PKP4: variants seen among roughly 807,000 people sequenced by gnomAD.
PKP4 encodes plakophilin-4.
Under a neutral mutation model 145.1 loss-of-function variants are expected in PKP4, and 90 were observed. That is an observed-to-expected ratio of 0.62 (90% CI 0.52 to 0.74). The LOEUF is 0.74. Ranked by LOEUF, PKP4 falls within the 30% of genes least tolerant of loss-of-function variation. The pLI is 0.00. For synonymous variants in PKP4, 563 were observed against 577.2 expected, an observed-to-expected ratio of 0.98 and a Z score of 0.35; for missense variants, 1,340 against 1,482.7, an observed-to-expected ratio of 0.90 and a Z score of 1.58.
chr2:158,603,829 A>G lies in PKP4; in HGVS notation c.280+725A>G, dbSNP rs940175783. Among the ~76,000 whole-genome samples, 8 of 152,336 alleles carry G rather than the reference A, an allele frequency of 5.3e-5. No homozygotes were observed. The East Asian group carries it at 1.5e-3, about 29-fold the overall frequency. ...ACAATGTTGTAATGCTGGAATAGGC[A>G]TTGATGTGTAAATACTTTGGCCCTT... On this transcript the variant is annotated intron_variant, in intron 4 of 21. Transcript: ENST00000389759.
intron 2 of PKP4, among the ~76,000 whole-genome samples, chr2:158,558,773 T>A (rs1302870561): frequency 7.9e-5 from 12 of 152,006 alleles, no homozygotes; most frequent in African/African-American, 2.4e-5. Context: ...TGGAAATACA[T>A]AAAGAGGAGA....
At chr2:158,512,848 T>C (rs1006612704) in intron 1 of PKP4, among the ~76,000 whole-genome samples, 1 of 152,158 alleles carries the variant, frequency 6.6e-6, no homozygotes, top group Non-Finnish European at 1.5e-5. Context: ...AGAACACAAA[T>C]TTATTAATTC....
At chr2:158,608,837 G>A (rs950489113) in intron 4 of PKP4, among the ~76,000 whole-genome samples, 8 of 97,688 alleles carry the variant, frequency 8.2e-5, no homozygotes, top group East Asian at 3.2e-4. Flanking sequence ...TTTTTGAGAC[G>A]GAGTCTTGCT....
chr2:158,619,315 A>G (rs1413491916), intron 4 of PKP4, among the ~76,000 whole-genome samples: 1 of 152,196 alleles, frequency 6.6e-6, no homozygotes. Context: ...ACCATATACA[A>G]TCTTTAATCT....
intron 16 of PKP4, 96 bp downstream of exon 16, chr2:158,666,659 C>A (rs2057114667): frequency 2.0e-6 from 2 of 1,022,638 alleles, no homozygotes; most frequent in South Asian, 2.2e-5. Flanking sequence ...CTTGTAAAAT[C>A]ATTAACAGCT....
intron 2 of PKP4, among the ~76,000 whole-genome samples, chr2:158,536,540 T>G (rs1010684682): frequency 1.3e-5 from 2 of 152,168 alleles, no homozygotes; most frequent in Non-Finnish European, 2.9e-5. Flanking sequence ...CCAATAGCAG[T>G]CTTGTTAACA....
At chr2:158,537,965 C>G (rs1050487410) in intron 2 of PKP4, among the ~76,000 whole-genome samples, 4 of 152,042 alleles carry the variant, frequency 2.6e-5, no homozygotes, top group Non-Finnish European at 4.4e-5. Context: ...TGCAGTAAGC[C>G]GTGATCATGC....
At chr2:158,620,919 A>G in intron 4 of PKP4, 71 bp from the exon 5 acceptor site, 1 of 1,369,238 alleles carries the variant, frequency 7.3e-7, no homozygotes, top group South Asian at 1.2e-5. Flanking sequence ...GTTGACAAAC[A>G]TCTGAACCTT....
At chr2:158,478,901 A>G (rs1050057906) in intron 1 of PKP4, among the ~76,000 whole-genome samples, 12 of 152,154 alleles carry the variant, frequency 7.9e-5, no homozygotes, top group Admixed American at 7.2e-4. Context: ...TTTTTACTAC[A>G]TATCTGTATC....
rs115853172 is a variant in PKP4 at position 158,575,751 on chromosome 2, A to G, written c.133-1520A>G. 8.2e-3 allele frequency among the ~76,000 whole-genome samples: 1,249 copies of G among 152,268 alleles called. 21 individuals are homozygous for G. Among genetic ancestry groups the G allele is most frequent in the African/African-American group, 0.029 (1,191 of 41,572 alleles). ...AGTCTTGTGGGAAAAGATGCATATA[A>G]TGACAAGTGAGTAAATGAAGTGAAC... is the stretch of plus-strand genomic sequence containing the variant. On this transcript the variant is annotated intron_variant, in intron 2 of 21. Transcript: ENST00000389759.
intron 1 of PKP4, among the ~76,000 whole-genome samples, chr2:158,519,494 T>G (rs1209060455): frequency 6.6e-6 from 1 of 152,062 alleles, no homozygotes; most frequent in African/African-American, 2.4e-5. Flanking sequence ...GCACTCTCTC[T>G]CCCCTTGATT....
chr2:158,480,987 T>C (rs981451975), intron 1 of PKP4, among the ~76,000 whole-genome samples: 7 of 152,266 alleles, frequency 4.6e-5, no homozygotes, highest in Non-Finnish European at 1.0e-4. Flanking sequence ...TGTCCTTTTG[T>C]GTCTCACTTT....
At chr2:158,585,085 G>A (rs2048691625) in intron 3 of PKP4, among the ~76,000 whole-genome samples, 1 of 152,144 alleles carries the variant, frequency 6.6e-6, no homozygotes. Flanking sequence ...TGGAAGTAAA[G>A]CACAGTTTAG....
chr2:158,535,023 G>A (rs191029411), intron 2 of PKP4, among the ~76,000 whole-genome samples: 430 of 152,152 alleles, frequency 2.8e-3, no homozygotes, highest in African/African-American at 9.9e-3. Flanking sequence ...TATATTTGCC[G>A]TTTCATACAT....
At chr2:158,504,280 A>G (rs764987950) in intron 1 of PKP4, among the ~76,000 whole-genome samples, 2 of 152,248 alleles carry the variant, frequency 1.3e-5, no homozygotes, top group African/African-American at 4.8e-5. Flanking sequence ...ACAAGTTCCT[A>G]TGAAGTACAC....
chr2:158,650,684 C>G (rs2055276856), intron 11 of PKP4, among the ~76,000 whole-genome samples: 1 of 152,216 alleles, frequency 6.6e-6, no homozygotes, highest in Non-Finnish European at 1.5e-5. Flanking sequence ...GCCCTCAGAC[C>G]ACCTGAGCAC....
intron 1 of PKP4, among the ~76,000 whole-genome samples, chr2:158,523,770 T>A (rs1273234934): frequency 8.8e-6 from 1 of 113,792 alleles, no homozygotes; most frequent in Admixed American, 9.8e-5. Context: ...GAATAACCAA[T>A]ACAGAGAAGT....
At chr2:158,584,131 G>A (rs1379568645) in intron 3 of PKP4, among the ~76,000 whole-genome samples, 2 of 152,204 alleles carry the variant, frequency 1.3e-5, no homozygotes, top group Admixed American at 6.5e-5. Flanking sequence ...GTGATTCGAG[G>A]CCAACTGAGG....
rs183925671 is a variant in PKP4 at position 158,616,283 on chromosome 2, A to G, written c.281-4707A>G. On this transcript the variant is annotated intron_variant, in intron 4 of 21. Coordinates refer to ENST00000389759, the MANE Select transcript of PKP4 (RefSeq NM_003628.6). ...TCTTGTATGTCACAGAAGGTACTAA[A>G]GAGGAGAAATCTTTTTGGTGCCACC... Among the ~76,000 whole-genome samples the G allele has an allele frequency of 2.6e-5, 4 of 152,340 alleles. No homozygotes were observed. The East Asian group carries it at 5.8e-4, about 22-fold the overall frequency.
Sources: allele counts gnomAD v4.1 joint callset (sites outside exome capture counted in the v4.1 genomes callset), GRCh38; gene constraint gnomAD v4.1.1; transcripts MANE v1.5; gene names NCBI Gene and HGNC (gene_info 2026-07-23, HGNC 2026-07-21).